PALLD: variants seen among roughly 807,000 people sequenced by gnomAD.
PALLD encodes palladin.
A neutral mutation model predicts 123.5 loss-of-function variants in PALLD; 61 were observed. The observed-to-expected ratio is 0.49, with a 90% CI of 0.40 to 0.61. The LOEUF (loss-of-function observed/expected upper bound fraction) is 0.61. Ranked by LOEUF, PALLD falls within the 20% of genes least tolerant of loss-of-function variation. The pLI, the probability that PALLD is intolerant of heterozygous loss-of-function variation, is 0.00. For missense variants in PALLD, 1,273 were observed against 1,377.0 expected, an observed-to-expected ratio of 0.92 and a Z score of 1.20; for synonymous variants, 465 against 496.4, an observed-to-expected ratio of 0.94 and a Z score of 0.84.
rs143492176 is a variant in PALLD at position 168,569,481 on chromosome 4, TTAGG to T, written c.908+57074_908+57077del. Among the ~76,000 whole-genome samples the T allele has an allele frequency of 6.6e-3, 1,009 of 152,250 alleles. 6 individuals are homozygous for T. Among genetic ancestry groups the T allele is most frequent in the Non-Finnish European group, 0.012 (784 of 68,006 alleles). Reference sequence around the variant, plus strand: ...GGCTGAAGTTTGCTTCAAGAACAACTTAGGTAGGCACTTCAGTTTAATTACTAGC... The same window carrying T: ...GGCTGAAGTTTGCTTCAAGAACAACTTAGGCACTTCAGTTTAATTACTAGC... On this transcript the variant is annotated intron_variant, in intron 2 of 21. Coordinates refer to ENST00000505667, the MANE Select transcript of PALLD (RefSeq NM_001166108.2).
At chr4:168,541,536 T>C (rs2874109) in intron 2 of PALLD, among the ~76,000 whole-genome samples, 80,939 of 151,738 alleles carry the variant, frequency 0.53, 22,452 homozygotes, top group East Asian at 0.81. Context: ...TGCAGTGGCA[T>C]GAGGCCCAGG....
chr4:168,800,325 G>A (rs183657113), intron 10 of PALLD, among the ~76,000 whole-genome samples: 7 of 152,212 alleles, frequency 4.6e-5, no homozygotes, highest in Admixed American at 4.6e-4. Context: ...GTCATAGGGT[G>A]GAAAGTATTT....
In PALLD at chr4:168,883,235, A is replaced by T. The variant is rs1752874531; in HGVS notation, c.1965-7687A>T. ...TTAAGTTACCCATTTTTTGTACTTT[A>T]ACAGCCTTTGCTTTACCGTAAAATT... On this transcript the variant is annotated intron_variant, in intron 10 of 21. Transcript: ENST00000505667. Among the ~76,000 whole-genome samples the T allele has an allele frequency of 2.6e-5, 4 of 152,308 alleles. No homozygotes were observed. The South Asian group carries it at 8.3e-4, about 32-fold the overall frequency.
chr4:168,833,581 G>C (rs1344952375), intron 10 of PALLD, among the ~76,000 whole-genome samples: 2 of 152,108 alleles, frequency 1.3e-5, no homozygotes, highest in Non-Finnish European at 2.9e-5. Context: ...GGTGTCACCA[G>C]CCTTGGCTGT....
chr4:168,548,032 GCAAACAAA>G (rs138888428), intron 2 of PALLD, among the ~76,000 whole-genome samples: 17,659 of 150,896 alleles, frequency 0.12, 1,383 homozygotes, highest in South Asian at 0.17. Flanking sequence ...GCAACAAAGA[GCAAACAAA>G]CAAACAAACA....
chr4:168,873,555 AG>A (rs1370670460), intron 10 of PALLD, among the ~76,000 whole-genome samples: 2 of 152,222 alleles, frequency 1.3e-5, no homozygotes, highest in African/African-American at 4.8e-5. Context: ...TTTACATAAA[AG>A]TTGTTTTCCA....
intron 10 of PALLD, among the ~76,000 whole-genome samples, chr4:168,828,268 A>G (rs1329078948): frequency 1.3e-5 from 2 of 152,252 alleles, no homozygotes; most frequent in Non-Finnish European, 2.9e-5. Flanking sequence ...CGGAAGATAT[A>G]TTAATATTCC....
chr4:168,669,919 C>T (rs1440830961), intron 3 of PALLD, among the ~76,000 whole-genome samples: 1 of 152,094 alleles, frequency 6.6e-6, no homozygotes, highest in South Asian at 2.1e-4. Flanking sequence ...TTCAAAGTCA[C>T]ACAATAATTT....
intron 2 of PALLD, among the ~76,000 whole-genome samples, chr4:168,563,001 G>A (rs561148618): frequency 7.2e-5 from 11 of 152,246 alleles, no homozygotes; most frequent in Admixed American, 2.0e-4. Context: ...TTGGATTTGC[G>A]GTATATTTTT....
At chr4:168,806,305 C>T (rs1740184148) in intron 10 of PALLD, among the ~76,000 whole-genome samples, 1 of 152,224 alleles carries the variant, frequency 6.6e-6, no homozygotes, top group Non-Finnish European at 1.5e-5. Flanking sequence ...TTCAGATGAT[C>T]TGCCCACCTC....
chr4:168,830,370 A>T (rs1423112425), intron 10 of PALLD, among the ~76,000 whole-genome samples: 1 of 151,530 alleles, frequency 6.6e-6, no homozygotes, highest in Non-Finnish European at 1.5e-5. Flanking sequence ...AACAAAAAAA[A>T]ATGTTTTAAA....
intron 10 of PALLD, among the ~76,000 whole-genome samples, chr4:168,842,908 TAATC>T (rs1746253251): frequency 6.6e-6 from 1 of 152,230 alleles, no homozygotes; most frequent in African/African-American, 2.4e-5. Context: ...AGCCTGTACA[TAATC>T]AGTAAAACTA....
chr4:168,861,279 TA>T lies in PALLD; in HGVS notation c.1965-29631del, dbSNP rs11459765. On this transcript the variant is annotated intron_variant, in intron 10 of 21. Transcript: ENST00000505667. ...CGAATAAATCTATTGAATATGGAAT[TA>T]AAAAAAAAAAACTAAGTAAAAAAGC... Among the ~76,000 whole-genome samples the T allele has an allele frequency of 1.3e-3, 198 of 149,450 alleles. 1 individual carries two copies. The Middle Eastern group carries it at 0.017, about 13-fold the overall frequency.
At chr4:168,798,344 TG>T (rs1738821773) in intron 10 of PALLD, among the ~76,000 whole-genome samples, 1 of 152,192 alleles carries the variant, frequency 6.6e-6, no homozygotes, top group Admixed American at 6.5e-5. Flanking sequence ...AAGGGTTTTT[TG>T]TTTGTTTGTT....
chr4:168,864,288 A>G (rs1258000456), intron 10 of PALLD: 1 of 152,200 alleles, frequency 6.6e-6, no homozygotes, highest in Non-Finnish European at 1.5e-5. Flanking sequence ...TGTTCTTTGT[A>G]ATGTTTATCT....
At chr4:168,646,848 C>A (rs980793869) in intron 2 of PALLD, among the ~76,000 whole-genome samples, 1 of 152,168 alleles carries the variant, frequency 6.6e-6, no homozygotes, top group Non-Finnish European at 1.5e-5. Context: ...ATGACATGTA[C>A]CTTTATTTAT....
chr4:168,694,284 T>G (rs1442887222), intron 8 of PALLD, among the ~76,000 whole-genome samples: 1 of 152,222 alleles, frequency 6.6e-6, no homozygotes, highest in South Asian at 2.1e-4. Context: ...GAGATAAATT[T>G]TATAGGACTA....
chr4:168,645,086 C>T (rs1022606043), intron 2 of PALLD, among the ~76,000 whole-genome samples: 37 of 137,814 alleles, frequency 2.7e-4, no homozygotes, highest in Admixed American at 1.4e-3. Context: ...TGACAGTGTG[C>T]GACACAGTCT....
intron 10 of PALLD, among the ~76,000 whole-genome samples, chr4:168,728,116 G>C (rs1022282155): frequency 6.6e-6 from 1 of 152,184 alleles, no homozygotes; most frequent in East Asian, 1.9e-4. Context: ...TAGCCTAGCA[G>C]TATAGCTTGA....
Sources: gnomAD v4.1 joint callset for allele counts (sites outside exome capture counted in the v4.1 genomes callset) on GRCh38, gnomAD v4.1.1 for gene constraint, MANE v1.5 for transcripts, NCBI Gene and HGNC (gene_info 2026-07-23, HGNC 2026-07-21) for gene names.